Variants in CYP2C8 observed in about 807,000 individuals in gnomAD.
CYP2C8 encodes cytochrome P450 family 2 subfamily C member 8, also known as cytochrome P450 2C8.
In CYP2C8, 51 loss-of-function variants were observed where a neutral mutation model predicts 41.3. The observed-to-expected ratio is 1.24, with a 90% CI of 0.99 to 1.56. The LOEUF is 1.56. Among genes scored for constraint, CYP2C8 ranks in the 40% most tolerant of loss-of-function variants. CYP2C8 has a pLI of 0.00. For missense variants in CYP2C8, 651 were observed against 579.9 expected (o/e 1.12, Z -1.26); for synonymous variants, 218 against 205.8 (o/e 1.06, Z -0.51).
intron 6 of CYP2C8, 113 bp downstream of exon 6, chr10:95,045,697 G>A (rs1396825493): frequency 8.5e-6 from 11 of 1,297,724 alleles, no homozygotes. Context: ...TACAGCTGAT[G>A]ACACAGAAAT....
intron 4 of CYP2C8, among the ~76,000 whole-genome samples, chr10:95,064,050 C>T (rs1303301941): frequency 1.3e-5 from 2 of 152,150 alleles, no homozygotes; most frequent in East Asian, 3.8e-4. Flanking sequence ...CTAGGGGGTG[C>T]CTCCCAGTTA....
chr10:95,039,153 G>T, intron 7 of CYP2C8, 115 bp from the exon 8 acceptor site: 2 of 929,118 alleles, frequency 2.2e-6, no homozygotes, highest in Non-Finnish European at 3.5e-6. Context: ...CTCAGGTCCA[G>T]CCAGACACAG....
rs1360338804 is a variant in CYP2C8 at position 95,045,759 on chromosome 10, T to C, written c.961+51A>G. On this transcript the variant is annotated intron_variant, in intron 6 of 8. Coordinates refer to ENST00000371270, the MANE Select transcript of CYP2C8 (RefSeq NM_000770.3). Reference sequence around the variant, plus strand: ...AACAAGGTGGAGGATACTGGCACCATCTTCTCAGCATTGTTCTGAAATTCA... The same window carrying C: ...AACAAGGTGGAGGATACTGGCACCACCTTCTCAGCATTGTTCTGAAATTCA... The C allele has an allele frequency of 3.7e-6, 6 of 1,610,798 alleles. No individual in the cohort carries two copies. In the East Asian group the frequency reaches 1.1e-4, roughly 30 times the overall value.
At chr10:95,046,313 A>C (rs2033108657) in intron 5 of CYP2C8, among the ~76,000 whole-genome samples, 1 of 152,204 alleles carries the variant, frequency 6.6e-6, no homozygotes, top group Admixed American at 6.5e-5. Context: ...TTTATTTCTG[A>C]TGATTCTGAA....
At chr10:95,067,438 G>C (rs1191982276) in intron 2 of CYP2C8, 81 bp from the exon 3 acceptor site, 5 of 1,612,644 alleles carry the variant, frequency 3.1e-6, no homozygotes, top group Non-Finnish European at 4.2e-6. Context: ...CATGCAGATA[G>C]GCTAAGCTCT....
chr10:95,049,881 G>A (rs933069856), intron 5 of CYP2C8, among the ~76,000 whole-genome samples: 4 of 136,192 alleles, frequency 2.9e-5, no homozygotes, highest in Non-Finnish European at 6.3e-5. Context: ...GGCTTGAATA[G>A]CTAGCAGCAA....
At chr10:95,039,117 A>G (rs1366645491) in intron 7 of CYP2C8, 79 bp from the exon 8 acceptor site, 5 of 1,314,152 alleles carry the variant, frequency 3.8e-6, no homozygotes, top group Admixed American at 1.7e-5. Context: ...ACGTAGCGCC[A>G]TAACGTTGAT....
At chr10:95,048,082 C>A (rs545797840) in intron 5 of CYP2C8, among the ~76,000 whole-genome samples, 3 of 152,092 alleles carry the variant, frequency 2.0e-5, no homozygotes, top group African/African-American at 7.2e-5. Flanking sequence ...CAGGGTTTCA[C>A]CTCTGCCAGC....
chr10:95,045,357 T>C (rs1027524046), intron 6 of CYP2C8, among the ~76,000 whole-genome samples: 1 of 152,230 alleles, frequency 6.6e-6, no homozygotes, highest in Non-Finnish European at 1.5e-5. Context: ...CTGGAATTTA[T>C]GTCAGGATGC....
chr10:95,038,704 T>A (rs1464248225), intron 8 of CYP2C8, among the ~76,000 whole-genome samples, 193 bp downstream of exon 8: 1 of 152,158 alleles, frequency 6.6e-6, no homozygotes. Flanking sequence ...AGTTAACTCC[T>A]GCAAGCCCCG....
intron 6 of CYP2C8, among the ~76,000 whole-genome samples, chr10:95,044,609 C>G (rs2033071119): frequency 6.6e-6 from 1 of 152,006 alleles, no homozygotes; most frequent in Non-Finnish European, 1.5e-5. Flanking sequence ...AGATCTTTCT[C>G]AAACCTTTTT....
At chr10:95,062,802 C>T (rs1249992738) in intron 4 of CYP2C8, among the ~76,000 whole-genome samples, 1 of 152,096 alleles carries the variant, frequency 6.6e-6, no homozygotes, top group Non-Finnish European at 1.5e-5. Context: ...ATGTTTAGTG[C>T]TTCCTTCAGG....
At position 95,042,931 on chromosome 10, in the gene CYP2C8, C is replaced by T; in HGVS notation, c.1108G>A (p.Val370Met). ...TTTCTGAACTTAGTATCAGTGGTCA[C>T]TGCATGGGGCACACCGGTGGGGACA... Reference protein sequence around the residue: ...DLVPTGVPHAVTTDTKFRNYL... With the variant: ...DLVPTGVPHAMTTDTKFRNYL... The change falls in exon 7 of 9, where the codon GTG becomes ATG. Residue 370 changes from valine (V) to methionine (M), a missense_variant. Transcript: ENST00000371270. 2 of 1,614,154 alleles carry T rather than the reference C, an allele frequency of 1.2e-6. No homozygotes were observed. Among genetic ancestry groups the T allele is most frequent in the Non-Finnish European group, 1.7e-6 (2 of 1,179,992 alleles).
chr10:95,068,646 G>A (rs1290764997), intron 1 of CYP2C8: 1 of 1,284,702 alleles, frequency 7.8e-7, no homozygotes, highest in African/African-American at 1.5e-5. Context: ...ACAAAGAGGA[G>A]AAACAGCACT....
intron 3 of CYP2C8, among the ~76,000 whole-genome samples, chr10:95,065,844 C>G (rs2033549334): frequency 6.6e-6 from 1 of 152,036 alleles, no homozygotes; most frequent in Non-Finnish European, 1.5e-5. Context: ...ATTAAAAAGG[C>G]TTTTATTCGG....
At chr10:95,045,189 G>C (rs1202903775) in intron 6 of CYP2C8, among the ~76,000 whole-genome samples, 1 of 152,188 alleles carries the variant, frequency 6.6e-6, no homozygotes, top group African/African-American at 2.4e-5. Flanking sequence ...AGTTGTATGT[G>C]AAAGATGCAA....
At chr10:95,048,900 G>A (rs1462852730) in intron 5 of CYP2C8, among the ~76,000 whole-genome samples, 1 of 152,144 alleles carries the variant, frequency 6.6e-6, no homozygotes, top group Non-Finnish European at 1.5e-5. Context: ...ACTCTTCTGA[G>A]CATTGGTGTA....
At chr10:95,063,632 C>G (rs2033489461) in intron 4 of CYP2C8, among the ~76,000 whole-genome samples, 1 of 152,252 alleles carries the variant, frequency 6.6e-6, no homozygotes. Context: ...GCCTTCTTCT[C>G]TCAGCTCGTC....
intron 5 of CYP2C8, among the ~76,000 whole-genome samples, chr10:95,047,790 T>C (rs1307718141): frequency 3.3e-5 from 5 of 152,188 alleles, no homozygotes; most frequent in Non-Finnish European, 5.9e-5. Context: ...GAATTAGTAA[T>C]CAAGAACTCC....
Sources: gnomAD v4.1 joint callset for allele counts (sites outside exome capture counted in the v4.1 genomes callset) on GRCh38, gnomAD v4.1.1 for gene constraint, MANE v1.5 for transcripts, NCBI Gene and HGNC (gene_info 2026-07-23, HGNC 2026-07-21) for gene names.